MECOM: variants seen among roughly 807,000 people sequenced by gnomAD.
MECOM encodes the protein histone-lysine N-methyltransferase MECOM.
A neutral mutation model predicts 116.3 loss-of-function variants in MECOM; 13 were observed. The observed-to-expected ratio is 0.11, with a 90% CI of 0.07 to 0.18. MECOM has a LOEUF of 0.18. Ranked by LOEUF, MECOM falls within the 10% of genes least tolerant of loss-of-function variation. The pLI is 1.00. For synonymous variants in MECOM, 528 were observed against 535.2 expected (o/e 0.99, Z 0.19); for missense variants, 1,299 against 1,509.0 (o/e 0.86, Z 2.31).
chr3:169,251,861 T>A (rs1439816371), intron 2 of MECOM, among the ~76,000 whole-genome samples: 1 of 152,194 alleles, frequency 6.6e-6, no homozygotes, highest in African/African-American at 2.4e-5. Flanking sequence ...AGAATAGGAA[T>A]CTATTGCTGC....
rs189664376 is a variant in MECOM, at chr3:169,421,680, G to A, written c.38-40156C>T. Among the ~76,000 whole-genome samples, 3 of 146,652 alleles carry A rather than the reference G, an allele frequency of 2.0e-5. No homozygotes were observed. The Admixed American group carries it at 2.1e-4, about 10-fold the overall frequency. On this transcript the variant is annotated intron_variant, in intron 1 of 16. Coordinates refer to ENST00000651503, the MANE Select transcript of MECOM (RefSeq NM_004991.4). ...CAAACCAATCACTTATAGCATGTTT[G>A]TTTTTTTAAAAAAAAAAAACAAAAC...
At chr3:169,104,351 CTT>C (rs1724622996) in intron 10 of MECOM, among the ~76,000 whole-genome samples, 1 of 152,134 alleles carries the variant, frequency 6.6e-6, no homozygotes, top group Admixed American at 6.6e-5. Context: ...TTATGATACT[CTT>C]GTATTTGCAT....
intron 2 of MECOM, among the ~76,000 whole-genome samples, chr3:169,294,357 G>A (rs946419928): frequency 9.2e-5 from 14 of 152,166 alleles, no homozygotes; most frequent in African/African-American, 3.4e-4. Flanking sequence ...ACAGGCAGGT[G>A]TTTTCAGGGG....
chr3:169,117,519 C>A lies in MECOM; in HGVS notation c.1133-780G>T, dbSNP rs538307075. 2.0e-5 allele frequency among the ~76,000 whole-genome samples: 3 copies of A among 152,308 alleles called. No individual in the cohort carries two copies. In the South Asian group the frequency reaches 6.2e-4, roughly 32 times the overall value. ...CCCTCACACCAGTGGTTGTGCTAACCTTCCTGCATTTATGAAAACCCCGTC... is the reference window on the plus strand; with the variant it reads ...CCCTCACACCAGTGGTTGTGCTAACATTCCTGCATTTATGAAAACCCCGTC... On this transcript the variant is annotated intron_variant, in intron 7 of 16. Transcript: ENST00000651503.
At chr3:169,483,559 T>C (rs897234837) in intron 1 of MECOM, 2 of 715,590 alleles carry the variant, frequency 2.8e-6, no homozygotes, top group Non-Finnish European at 2.2e-6. Flanking sequence ...CCTTTGACTA[T>C]GATTTCCAAT....
chr3:169,509,279 C>T (rs981997594), intron 1 of MECOM, among the ~76,000 whole-genome samples: 4 of 152,180 alleles, frequency 2.6e-5, no homozygotes, highest in Admixed American at 2.6e-4. Flanking sequence ...GCTCTGAAGG[C>T]TCATCTAGCT....
intron 2 of MECOM, among the ~76,000 whole-genome samples, chr3:169,359,325 G>C (rs760858636): frequency 6.6e-6 from 1 of 151,760 alleles, no homozygotes; most frequent in Non-Finnish European, 1.5e-5. Context: ...TTCTCAGTGA[G>C]ATTCATAACA....
At chr3:169,433,014 A>G (rs894596881) in intron 1 of MECOM, among the ~76,000 whole-genome samples, 1 of 152,242 alleles carries the variant, frequency 6.6e-6, no homozygotes, top group African/African-American at 2.4e-5. Context: ...TTTACCCACC[A>G]GGTATGTACT....
chr3:169,345,348 A>G (rs1036456157), intron 2 of MECOM, among the ~76,000 whole-genome samples: 2 of 151,918 alleles, frequency 1.3e-5, no homozygotes, highest in African/African-American at 2.4e-5. Flanking sequence ...GATAGGAAGA[A>G]AAAAAAAGAC....
intron 1 of MECOM, among the ~76,000 whole-genome samples, chr3:169,643,268 T>C (rs16854285): frequency 0.036 from 5,525 of 152,302 alleles, 248 homozygotes; most frequent in African/African-American, 0.095. Flanking sequence ...TTAAATTACA[T>C]CAGTCATCAA....
chr3:169,538,703 T>C (rs1460542999), intron 1 of MECOM, among the ~76,000 whole-genome samples: 1 of 152,156 alleles, frequency 6.6e-6, no homozygotes, highest in Non-Finnish European at 1.5e-5. Flanking sequence ...AGAGTAGATG[T>C]TGAGGCTAGG....
At chr3:169,559,349 G>A (rs1390631013) in intron 1 of MECOM, among the ~76,000 whole-genome samples, 2 of 152,076 alleles carry the variant, frequency 1.3e-5, no homozygotes, top group Non-Finnish European at 2.9e-5. Flanking sequence ...AAATTATCAT[G>A]AGCATATTCA....
intron 2 of MECOM, among the ~76,000 whole-genome samples, chr3:169,190,893 A>G (rs945573179): frequency 6.6e-6 from 1 of 152,022 alleles, no homozygotes; most frequent in African/African-American, 2.4e-5. Context: ...GTTTGGGCCA[A>G]TTATGTTGTA....
intron 2 of MECOM, among the ~76,000 whole-genome samples, chr3:169,197,451 T>C (rs966719161): frequency 1.1e-4 from 16 of 152,058 alleles, no homozygotes; most frequent in Admixed American, 9.9e-4. Context: ...TGCTCATCCA[T>C]ATACTCAGAG....
chr3:169,461,382 T>C (rs1373595214), intron 1 of MECOM, among the ~76,000 whole-genome samples: 1 of 152,202 alleles, frequency 6.6e-6, no homozygotes, highest in Non-Finnish European at 1.5e-5. Context: ...GCTAGTGTTA[T>C]TGCCCAGAGG....
chr3:169,349,424 T>A (rs1725929466), intron 2 of MECOM, among the ~76,000 whole-genome samples: 1 of 151,884 alleles, frequency 6.6e-6, no homozygotes, highest in South Asian at 2.1e-4. Context: ...TGGGGGGCCC[T>A]CCTATGGATA....
At chr3:169,573,245 A>G (rs1764131027) in intron 1 of MECOM, among the ~76,000 whole-genome samples, 1 of 152,230 alleles carries the variant, frequency 6.6e-6, no homozygotes, top group Non-Finnish European at 1.5e-5. Flanking sequence ...CGAACGAATG[A>G]AACTTCCATG....
At chr3:169,656,603 A>G (rs1352358455) in intron 1 of MECOM, among the ~76,000 whole-genome samples, 1 of 152,116 alleles carries the variant, frequency 6.6e-6, no homozygotes, top group East Asian at 1.9e-4. Context: ...CATGGCTATT[A>G]TTTTTGAAAA....
intron 2 of MECOM, among the ~76,000 whole-genome samples, chr3:169,178,509 G>A (rs1434102300): frequency 1.3e-5 from 2 of 152,126 alleles, no homozygotes; most frequent in African/African-American, 4.8e-5. Flanking sequence ...GAAGCTTGAA[G>A]CTTGGGGAGG....
Sources: allele counts gnomAD v4.1 joint callset (sites outside exome capture counted in the v4.1 genomes callset), GRCh38; gene constraint gnomAD v4.1.1; transcripts MANE v1.5; gene names NCBI Gene and HGNC (gene_info 2026-07-23, HGNC 2026-07-21).